Variants in SELENOM observed in about 807,000 individuals in gnomAD.
SELENOM encodes selenoprotein M, also known as selenoprotein SelM.
In SELENOM, 17 loss-of-function variants were observed where a neutral mutation model predicts 14.5. That is an observed-to-expected ratio of 1.17 (90% CI 0.80 to 1.76). The LOEUF (loss-of-function observed/expected upper bound fraction) is 1.76. SELENOM is among the 40% of genes most tolerant of loss of function. The pLI is 0.00. For synonymous variants in SELENOM, 102 were observed against 93.3 expected, an observed-to-expected ratio of 1.09 and a Z score of -0.54; for missense variants, 230 against 204.6, an observed-to-expected ratio of 1.12 and a Z score of -0.76.
Position 31,107,559 on chromosome 22 carries a change from C to A in SELENOM, c.-54G>T. On this transcript the variant is annotated 5_prime_UTR_variant, in exon 1 of 5. Transcript: ENST00000400299. ...CTGGAGGCGAACCTCCGAGTCGCTGCGCCACGTCTGGGCCCCCAGGCTGGC... is the reference window on the plus strand; with the variant it reads ...CTGGAGGCGAACCTCCGAGTCGCTGAGCCACGTCTGGGCCCCCAGGCTGGC... 7 of 1,464,624 alleles carry A rather than the reference C, an allele frequency of 4.8e-6. No individual in the cohort carries two copies. The highest frequency in any genetic ancestry group is 6.3e-6 in the Non-Finnish European group (7 of 1,107,350). 90.7% of individuals were successfully genotyped at this position (1,464,624 alleles called of 1,614,324 possible).
At chr22:31,106,923 C>G (rs1378620155) in intron 1 of SELENOM, 1 of 153,186 alleles carries the variant, frequency 6.5e-6, no homozygotes, top group Non-Finnish European at 1.5e-5. Flanking sequence ...TTCCCCGGAT[C>G]CTGCATATGG....
chr22:31,107,556 CT>C lies in SELENOM; in HGVS notation c.-52del. The C allele has an allele frequency of 6.8e-7, 1 of 1,479,272 alleles. No individual in the cohort carries two copies. Among genetic ancestry groups the C allele is most frequent in the Non-Finnish European group, 9.0e-7 (1 of 1,116,040 alleles). 91.6% of individuals were successfully genotyped at this position (1,479,272 alleles called of 1,614,324 possible). A position where few individuals can be genotyped will look rare whatever the true frequency, so the allele number is the denominator to read the frequency against. On this transcript the variant is annotated 5_prime_UTR_variant, in exon 1 of 5. Transcript: ENST00000400299. ...AAGCTGGAGGCGAACCTCCGAGTCG[CT>C]GCGCCACGTCTGGGCCCCCAGGCTG...
At position 31,105,116 on chromosome 22, in the gene SELENOM, T is replaced by C. The variant is rs1419546317; in HGVS notation, c.292A>G (p.Ser98Gly). 2.5e-6 allele frequency: 4 copies of C among 1,613,512 alleles called. No individual in the cohort carries two copies. Among genetic ancestry groups the C allele is most frequent in the Non-Finnish European group, 3.4e-6 (4 of 1,179,802 alleles). The change falls in exon 5 of 5, where the codon AGT becomes GGT. Residue 98 changes from serine (S) to glycine (G), a missense_variant. By Grantham distance (56) the Ser-to-Gly change is moderately conservative. Transcript: ENST00000400299. Reference protein sequence around the residue: ...RYEELERIPLSEMTREEINAL... With the variant: ...RYEELERIPLGEMTREEINAL... ...TTGATCTCTTCGCGGGTCATTTCAC[T>C]GAGTGGGATGCGCTGAGGCGGAGGA...
At position 31,105,079 on chromosome 22, in the gene SELENOM, T is replaced by A; in HGVS notation, c.329A>T (p.Gln110Leu). ...MTREEINALV[Q>L]ELGFYRKAAP... ...CGCCTTGCGGTAGAAGCCGAGCTCC[T>A]GCACTAGCGCATTGATCTCTTCGCG... is the stretch of plus-strand genomic sequence containing the variant. The change falls in exon 5 of 5, where the codon CAG becomes CTG. Residue 110 changes from glutamine to leucine, a missense_variant. By Grantham distance (113) the Gln-to-Leu change is moderately radical. Transcript: ENST00000400299. 6.2e-7 allele frequency: 1 copy of A among 1,613,062 alleles called. No homozygotes were observed. The highest frequency in any genetic ancestry group is 8.5e-7 in the Non-Finnish European group (1 of 1,179,778).
Position 31,107,419 on chromosome 22 carries a change from C to A in SELENOM, c.87G>T (p.Pro29=), listed in dbSNP as rs762328251. The change falls in exon 1 of 5, where the codon CCG becomes CCT. Residue 29 remains proline, a synonymous_variant. Transcript: ENST00000400299. Reference sequence around the variant, plus strand: ...TTAGGCCGCTCAGACGGTTCCAGTCCGGCCGGTAGGCAGTGGCGGCTGTGG... The same window carrying A: ...TTAGGCCGCTCAGACGGTTCCAGTCAGGCCGGTAGGCAGTGGCGGCTGTGG... The part of the protein sequence containing the change: ...APATAATAYR[P]DWNRLSGLTR... The A allele has an allele frequency of 1.9e-6, 3 of 1,589,320 alleles. No homozygotes were observed. The highest frequency in any genetic ancestry group is 2.6e-6 in the Non-Finnish European group (3 of 1,170,166).
In SELENOM at chr22:31,107,516, C is replaced by T. The variant is rs375293831; in HGVS notation, c.-11G>A. 6.5e-7 allele frequency: 1 copy of T among 1,534,182 alleles called. No homozygotes were observed. Among genetic ancestry groups the T allele is most frequent in the South Asian group, 1.2e-5 (1 of 83,644 alleles). Reference sequence around the variant, plus strand: ...CAACAGGAGGCTCATCGGGACCCGGCCGCAGATGATGCGCAAGCTGGAGGC... The same window carrying T: ...CAACAGGAGGCTCATCGGGACCCGGTCGCAGATGATGCGCAAGCTGGAGGC... On this transcript the variant is annotated 5_prime_UTR_variant, in exon 1 of 5. Transcript: ENST00000400299.
chr22:31,105,620 G>C, intron 3 of SELENOM, 38 bp downstream of exon 3: 2 of 1,602,078 alleles, frequency 1.2e-6, no homozygotes, highest in Non-Finnish European at 8.6e-7. Context: ...TCTCCCAGGT[G>C]CCCATCCCAT....
At chr22:31,107,353 G>C (rs1204892803) in intron 1 of SELENOM, 24 bp downstream of exon 1, 1 of 1,584,950 alleles carries the variant, frequency 6.3e-7, no homozygotes, top group Non-Finnish European at 8.6e-7. Flanking sequence ...CGATAGTGCC[G>C]GGGCTGGAGG....
rs1287481809 is a variant in SELENOM, at chr22:31,105,096, C to T, written c.312G>A (p.Glu104=). ...RIPLSEMTRE[E]INALVQELGF... ...CGAGCTCCTGCACTAGCGCATTGAT[C>T]TCTTCGCGGGTCATTTCACTGAGTG... Residue 104 remains glutamate (E), a synonymous_variant, in exon 5 of 5, where the codon GAG becomes GAA. Transcript: ENST00000400299. 1.9e-6 allele frequency: 3 copies of T among 1,613,392 alleles called. No homozygotes were observed. Among genetic ancestry groups the T allele is most frequent in the Admixed American group, 1.7e-5 (1 of 59,982 alleles).
At position 31,107,461 on chromosome 22, in the gene SELENOM, C is replaced by A; in HGVS notation, c.45G>T (p.Ala15=). 1 of 1,561,604 alleles carries A rather than the reference C, an allele frequency of 6.4e-7. No individual in the cohort carries two copies. Among genetic ancestry groups the A allele is most frequent in the East Asian group, 2.4e-5 (1 of 42,108 alleles). Residue 15 remains alanine (A), a synonymous_variant, in exon 1 of 5, where the codon GCG becomes GCT. Coordinates refer to ENST00000400299, the MANE Select transcript of SELENOM (RefSeq NM_080430.4). Reference sequence around the variant, plus strand: ...CGGCTGTGGCTGGGGCCACAAGCGCCGCGAGAAGCAGCAGCAGCGCCAGCG... The same window carrying A: ...CGGCTGTGGCTGGGGCCACAAGCGCAGCGAGAAGCAGCAGCAGCGCCAGCG... ...LPPLALLLLL[A]ALVAPATAAT...
At position 31,107,531 on chromosome 22, in the gene SELENOM, A is replaced by T. The variant is rs1222356682; in HGVS notation, c.-26T>A. 3 of 1,516,984 alleles carry T rather than the reference A, an allele frequency of 2.0e-6. No individual in the cohort carries two copies. The highest frequency in any genetic ancestry group is 2.1e-5 in the Admixed American group (1 of 48,682). 94.0% of individuals were successfully genotyped at this position (1,516,984 alleles called of 1,614,324 possible). On this transcript the variant is annotated 5_prime_UTR_variant, in exon 1 of 5. Transcript: ENST00000400299. The stretch of plus-strand genomic sequence containing the variant: ...CGGGACCCGGCCGCAGATGATGCGC[A>T]AGCTGGAGGCGAACCTCCGAGTCGC...
chr22:31,107,184 T>A lies in SELENOM; in HGVS notation c.129+193A>T, dbSNP rs1021716490. ...GGGTTCGGAGTTCCAGGCCCCAAAG[T>A]CGGTGTCTCAGGCTTCCACGGTGGA... On this transcript the variant is annotated intron_variant, in intron 1 of 4. Coordinates refer to ENST00000400299, the MANE Select transcript of SELENOM (RefSeq NM_080430.4). The A allele has an allele frequency of 2.9e-5, 19 of 660,202 alleles. No homozygotes were observed. In the South Asian group the frequency reaches 3.9e-4, roughly 14 times the overall value. The allele number at this position is 660,202 out of a possible 1,614,324, so 40.9% of individuals were successfully genotyped here. A position where few individuals can be genotyped will look rare whatever the true frequency, so the allele number is the denominator to read the frequency against.
At chr22:31,105,857 A>G in intron 2 of SELENOM, 73 bp downstream of exon 2, 3 of 1,529,800 alleles carry the variant, frequency 2.0e-6, no homozygotes, top group Non-Finnish European at 2.7e-6. Context: ...CGCCCCAGTC[A>G]TTGGGACCAT....
At chr22:31,105,152 C>T (rs372304815) in intron 4 of SELENOM, 24 bp from the exon 5 acceptor site, 33 of 1,613,206 alleles carry the variant, frequency 2.0e-5, no homozygotes, top group Non-Finnish European at 2.6e-5. Flanking sequence ...GGGGCGGGGT[C>T]AGCAGGCTGG....
In SELENOM at chr22:31,105,601, C is replaced by G. The variant is rs1479572403; in HGVS notation, c.200+57G>C. 32 of 1,550,294 alleles carry G rather than the reference C, an allele frequency of 2.1e-5. No individual in the cohort carries two copies. The Middle Eastern group carries it at 2.0e-3, about 98-fold the overall frequency. ...CATCTGCCACCCCTTTCTGAAGTTA[C>G]GTGGAGATTCTCCCAGGTGCCCATC... On this transcript the variant is annotated intron_variant, in intron 3 of 4. Coordinates refer to ENST00000400299, the MANE Select transcript of SELENOM (RefSeq NM_080430.4).
rs182689622 is a variant in SELENOM, at chr22:31,105,644, G to A, written c.200+14C>T. The stretch of plus-strand genomic sequence containing the variant: ...TGCCCATCCCATTTCCCCTCCCCCA[G>A]AACAGAAGGATACTAGAATGGAATG... On this transcript the variant is annotated intron_variant, in intron 3 of 4. Transcript: ENST00000400299. The A allele has an allele frequency of 8.1e-6, 13 of 1,613,594 alleles. No individual in the cohort carries two copies. The African/African-American group carries it at 1.5e-4, about 18-fold the overall frequency.
At chr22:31,106,155 G>C in intron 1 of SELENOM, 190 bp from the exon 2 acceptor site, 1 of 633,236 alleles carries the variant, frequency 1.6e-6, no homozygotes, top group Non-Finnish European at 2.8e-6. Flanking sequence ...CAGGTGGGGA[G>C]ACTCAGGCCT....
chr22:31,106,031 C>T (rs1360458885), intron 1 of SELENOM, 66 bp from the exon 2 acceptor site: 4 of 1,449,094 alleles, frequency 2.8e-6, no homozygotes, highest in Non-Finnish European at 3.9e-6. Context: ...ATCCCCAAAG[C>T]CATACTTCCT....
At position 31,105,886 on chromosome 22, in the gene SELENOM, G is replaced by A. The variant is rs776348151; in HGVS notation, c.165+44C>T. The stretch of plus-strand genomic sequence containing the variant: ...GGACCATGTTGCCCACTCCCCAAGA[G>A]GCTCAGGGGGAACAGAGCTAGGGAC... On this transcript the variant is annotated intron_variant, in intron 2 of 4. Transcript: ENST00000400299. 6 of 1,598,814 alleles carry A rather than the reference G, an allele frequency of 3.8e-6. No homozygotes were observed. In the South Asian group the frequency reaches 4.4e-5, roughly 12 times the overall value.
Sources: gnomAD v4.1 joint callset for allele counts on GRCh38, gnomAD v4.1.1 for gene constraint, MANE v1.5 for transcripts, NCBI Gene and HGNC (gene_info 2026-07-23, HGNC 2026-07-21) for gene names.